ARID2: variants seen among roughly 807,000 people sequenced by gnomAD.
ARID2 encodes the protein AT-rich interactive domain-containing protein 2.
Under a neutral mutation model 184.6 loss-of-function variants are expected in ARID2, and 32 were observed. The ratio of observed to expected loss-of-function variants is 0.17; its 90% confidence interval spans 0.13 to 0.23. The LOEUF (loss-of-function observed/expected upper bound fraction) is 0.23. ARID2 is among the 10% of genes least tolerant of loss of function. ARID2 has a pLI of 1.00. For synonymous variants in ARID2, 836 were observed against 772.6 expected (o/e 1.08, Z -1.36); for missense variants, 1,696 against 2,197.6 (o/e 0.77, Z 4.56).
At chr12:45,892,669 C>T (rs957489599) in intron 18 of ARID2, among the ~76,000 whole-genome samples, 3 of 152,140 alleles carry the variant, frequency 2.0e-5, no homozygotes, top group South Asian at 2.1e-4. Context: ...CAGCCAGTTA[C>T]AGTGTCAGAA....
chr12:45,775,041 C>T (rs1027891313), intron 3 of ARID2, among the ~76,000 whole-genome samples: 1 of 151,896 alleles, frequency 6.6e-6, no homozygotes, highest in Non-Finnish European at 1.5e-5. Context: ...TCAGGATGGT[C>T]CCCCCATAAA....
At chr12:45,890,984 G>A (rs937308691) in intron 16 of ARID2, among the ~76,000 whole-genome samples, 4 of 151,976 alleles carry the variant, frequency 2.6e-5, no homozygotes, top group Non-Finnish European at 4.4e-5. Flanking sequence ...GGCCAACATG[G>A]TGAAACCCCG....
At chr12:45,795,019 C>G (rs1443630925) in intron 3 of ARID2, among the ~76,000 whole-genome samples, 7 of 151,666 alleles carry the variant, frequency 4.6e-5, no homozygotes, top group Non-Finnish European at 1.0e-4. Flanking sequence ...ATTTTCCACT[C>G]CTGTCGTTTT....
chr12:45,770,922 T>G (rs1941863587), intron 3 of ARID2, among the ~76,000 whole-genome samples: 1 of 152,120 alleles, frequency 6.6e-6, no homozygotes, highest in Admixed American at 6.5e-5. Context: ...TTCTTTGGCT[T>G]GGGAGTGGGG....
intron 3 of ARID2, among the ~76,000 whole-genome samples, chr12:45,749,541 A>G (rs553281041): frequency 6.6e-6 from 1 of 152,214 alleles, no homozygotes; most frequent in African/African-American, 2.4e-5. Context: ...TTTCCCTTGA[A>G]GCTTTGAAGC....
intron 3 of ARID2, among the ~76,000 whole-genome samples, chr12:45,783,751 A>T (rs55916269): frequency 0.094 from 14,279 of 152,200 alleles, 2,285 homozygotes; most frequent in African/African-American, 0.32. Flanking sequence ...CCCGGTTCCT[A>T]ACAGGTCAGT....
chr12:45,762,569 T>A (rs1200487512), intron 3 of ARID2, among the ~76,000 whole-genome samples: 1 of 152,230 alleles, frequency 6.6e-6, no homozygotes, highest in Non-Finnish European at 1.5e-5. Context: ...GGCTTTCATG[T>A]GCTCTGTGCA....
chr12:45,877,818 C>G (rs1274806422), intron 16 of ARID2, among the ~76,000 whole-genome samples: 1 of 152,322 alleles, frequency 6.6e-6, no homozygotes, highest in East Asian at 1.9e-4. Flanking sequence ...GATTTCTTCT[C>G]TAACACTCTT....
chr12:45,842,364 C>G (rs781781206), intron 11 of ARID2: 17 of 150,244 alleles, frequency 1.1e-4, no homozygotes, highest in Non-Finnish European at 1.9e-4. Flanking sequence ...TGTATATATA[C>G]ACACACATAT....
chr12:45,898,718 C>G (rs1944402728), intron 20 of ARID2, among the ~76,000 whole-genome samples: 1 of 151,760 alleles, frequency 6.6e-6, no homozygotes, highest in Non-Finnish European at 1.5e-5. Flanking sequence ...GAGTTTGAGA[C>G]CAGCCTGGCC....
intron 10 of ARID2, among the ~76,000 whole-genome samples, 158 bp from the exon 11 acceptor site, chr12:45,839,171 C>CT (rs957214266): frequency 1.2e-4 from 18 of 150,994 alleles, no homozygotes; most frequent in African/African-American, 1.7e-4. Context: ...GCCTAAAAAT[C>CT]TTTTTTTTTA....
At chr12:45,867,284 G>T (rs916727946) in intron 16 of ARID2, among the ~76,000 whole-genome samples, 1 of 150,790 alleles carries the variant, frequency 6.6e-6, no homozygotes, top group Non-Finnish European at 1.5e-5. Flanking sequence ...ACAAGGTCTT[G>T]TTCTGTCATC....
intron 12 of ARID2, among the ~76,000 whole-genome samples, chr12:45,847,166 A>G (rs1943458660): frequency 6.6e-6 from 1 of 152,142 alleles, no homozygotes; most frequent in Non-Finnish European, 1.5e-5. Context: ...TATGACTAGA[A>G]TGTCATTAAA....
chr12:45,895,773 T>C (rs555152582), intron 20 of ARID2, among the ~76,000 whole-genome samples: 2 of 152,320 alleles, frequency 1.3e-5, no homozygotes, highest in Non-Finnish European at 2.9e-5. Context: ...GACCTCGTGA[T>C]CCACCTGCCT....
chr12:45,738,015 AAATT>A (rs1941163729), intron 3 of ARID2, among the ~76,000 whole-genome samples: 1 of 152,244 alleles, frequency 6.6e-6, no homozygotes, highest in Non-Finnish European at 1.5e-5. Context: ...TGGATTAAAA[AAATT>A]AATTAAAAAT....
rs185428423 is a variant in ARID2, at chr12:45,792,520, C to T, written c.285-18898C>T. Among the ~76,000 whole-genome samples, 258 of 152,272 alleles carry T rather than the reference C, an allele frequency of 1.7e-3. 1 individual carries two copies. The highest frequency in any genetic ancestry group is 5.9e-3 in the African/African-American group (245 of 41,552). ...AACGCAGAGTTCAGTGCTTTGTATA[C>T]AGTATGTCCATTAGTTCAAGTTTGT... On this transcript the variant is annotated intron_variant, in intron 3 of 20. Coordinates refer to ENST00000334344, the MANE Select transcript of ARID2 (RefSeq NM_152641.4).
chr12:45,899,727 A>ATATATATATGGTTT (rs1565644994), intron 20 of ARID2, among the ~76,000 whole-genome samples: 4 of 126,962 alleles, frequency 3.2e-5, no homozygotes, highest in African/African-American at 9.4e-5. Flanking sequence ...ATATATGGTT[A>ATATATATATGGTTT]TATATATATG....
At chr12:45,735,012 A>C (rs527597663) in intron 3 of ARID2, among the ~76,000 whole-genome samples, 4 of 152,172 alleles carry the variant, frequency 2.6e-5, no homozygotes, top group East Asian at 1.9e-4. Context: ...TGAAATATTC[A>C]TTTCTATTTA....
At chr12:45,768,627 CAGTT>C (rs1489587597) in intron 3 of ARID2, among the ~76,000 whole-genome samples, 9 of 152,008 alleles carry the variant, frequency 5.9e-5, no homozygotes, top group East Asian at 5.8e-4. Context: ...CGGTGAGAGA[CAGTT>C]AGGAGGAGAT....
Sources: allele counts gnomAD v4.1 joint callset (sites outside exome capture counted in the v4.1 genomes callset), GRCh38; gene constraint gnomAD v4.1.1; transcripts MANE v1.5; gene names NCBI Gene and HGNC (gene_info 2026-07-23, HGNC 2026-07-21).